LINGO2: variants seen among roughly 807,000 people sequenced by gnomAD.
LINGO2 encodes leucine rich repeat and Ig domain containing 2.
In LINGO2, 14 loss-of-function variants were observed where a neutral mutation model predicts 30.6. That is an observed-to-expected ratio of 0.46 (90% CI 0.30 to 0.72). The LOEUF is 0.72. Among genes scored for constraint, LINGO2 ranks in the 30% least tolerant of loss-of-function variants. The pLI, the probability that LINGO2 is intolerant of heterozygous loss-of-function variation, is 0.07. For synonymous variants in LINGO2, 317 were observed against 288.5 expected, an observed-to-expected ratio of 1.10 and a Z score of -1.00; for missense variants, 729 against 751.7, an observed-to-expected ratio of 0.97 and a Z score of 0.35.
At chr9:28,172,052 A>C (rs1299087134) in intron 4 of LINGO2, among the ~76,000 whole-genome samples, 4 of 139,602 alleles carry the variant, frequency 2.9e-5, no homozygotes, top group African/African-American at 1.1e-4. Context: ...AAAACCCAGC[A>C]TCTCCTACCA....
At chr9:28,097,913 G>A (rs1826294896) in intron 4 of LINGO2, among the ~76,000 whole-genome samples, 4 of 151,852 alleles carry the variant, frequency 2.6e-5, no homozygotes, top group Non-Finnish European at 5.9e-5. Flanking sequence ...AGGATGAGAT[G>A]AGCTGGATAC....
chr9:28,823,670 T>C, the LINGO2 span, among the ~76,000 whole-genome samples: 3 of 152,144 alleles, frequency 2.0e-5, no homozygotes, highest in African/African-American at 4.8e-5. Flanking sequence ...CCCCAGCCCA[T>C]ACATAGCCCT....
At chr9:28,727,629 C>A in the LINGO2 span, among the ~76,000 whole-genome samples, 1 of 152,102 alleles carries the variant, frequency 6.6e-6, no homozygotes. Flanking sequence ...GGTCTTTCAT[C>A]CGTCTTTAGA....
At chr9:27,993,031 C>T (rs1230092305) in intron 5 of LINGO2, among the ~76,000 whole-genome samples, 2 of 152,082 alleles carry the variant, frequency 1.3e-5, no homozygotes, top group Admixed American at 6.6e-5. Context: ...AGAAATCAAT[C>T]ATTGTCTGGA....
At chr9:28,887,275 AT>A in the LINGO2 span, among the ~76,000 whole-genome samples, 6 of 151,400 alleles carry the variant, frequency 4.0e-5, no homozygotes, top group Non-Finnish European at 7.4e-5. Context: ...AATTGAAAGG[AT>A]TTTTTTTTCT....
intron 1 of LINGO2, among the ~76,000 whole-genome samples, chr9:28,639,743 T>C (rs534784229): frequency 5.3e-5 from 8 of 152,152 alleles, no homozygotes; most frequent in Non-Finnish European, 1.0e-4. Flanking sequence ...CTCCTGAATA[T>C]AGCACACTGA....
At chr9:28,217,008 T>TGCATCAATGAGAAAACA (rs1241097948) in intron 4 of LINGO2, among the ~76,000 whole-genome samples, 30 of 151,800 alleles carry the variant, frequency 2.0e-4, no homozygotes, top group Non-Finnish European at 1.0e-4. Context: ...ATGCCCTTGT[T>TGCATCAATGAGAAAACA]TTGCATCAAT....
At chr9:28,233,185 T>C (rs1298162996) in intron 4 of LINGO2, among the ~76,000 whole-genome samples, 2 of 151,146 alleles carry the variant, frequency 1.3e-5, no homozygotes, top group African/African-American at 4.9e-5. Context: ...TCTCCATTGA[T>C]ATGAAAAACA....
At chr9:29,082,266 A>T in the LINGO2 span, among the ~76,000 whole-genome samples, 8 of 152,192 alleles carry the variant, frequency 5.3e-5, no homozygotes, top group African/African-American at 1.9e-4. Context: ...AGCACTCAGA[A>T]ATAATACCAC....
intron 2 of LINGO2, among the ~76,000 whole-genome samples, chr9:28,467,111 C>T (rs1009941898): frequency 4.6e-5 from 7 of 151,828 alleles, no homozygotes; most frequent in Admixed American, 2.6e-4. Context: ...CTGCAAGCTC[C>T]GCCTCCTGGG....
the LINGO2 span, among the ~76,000 whole-genome samples, chr9:28,677,516 T>C: frequency 1.3e-5 from 2 of 152,104 alleles, no homozygotes; most frequent in African/African-American, 4.8e-5. Flanking sequence ...CTTATATGAG[T>C]ACTGGTATTT....
chr9:28,862,386 C>T, the LINGO2 span, among the ~76,000 whole-genome samples: 1 of 152,010 alleles, frequency 6.6e-6, no homozygotes, highest in African/African-American at 2.4e-5. Context: ...TAAAGCATTT[C>T]CAATCATATT....
chr9:29,199,180 A>C, the LINGO2 span, among the ~76,000 whole-genome samples: 1 of 152,098 alleles, frequency 6.6e-6, no homozygotes, highest in Non-Finnish European at 1.5e-5. Context: ...AAGGAAAAGA[A>C]AGATCTCTGG....
intron 1 of LINGO2, among the ~76,000 whole-genome samples, chr9:28,655,394 C>T (rs1828293164): frequency 6.6e-6 from 1 of 151,980 alleles, no homozygotes; most frequent in African/African-American, 2.4e-5. Context: ...GGCTCATAAG[C>T]AGAAGGGACT....
Position 28,616,330 on chromosome 9 carries a change from CAT to C in LINGO2, c.-365+53868_-365+53869del, listed in dbSNP as rs199992515. Among the ~76,000 whole-genome samples the C allele has an allele frequency of 6.9e-3, 1,054 of 152,214 alleles. 16 individuals carry two copies. Among genetic ancestry groups the C allele is most frequent in the African/African-American group, 0.024 (998 of 41,536 alleles). ...GTATATGCATGCATGCACATACACA[CAT>C]GTGAAATATTTTCTGAATAGATTCC... On this transcript the variant is annotated intron_variant, in intron 1 of 5. Transcript: ENST00000379992.
chr9:27,958,331 T>C (rs1177742557), intron 5 of LINGO2, among the ~76,000 whole-genome samples: 2 of 152,210 alleles, frequency 1.3e-5, no homozygotes, highest in Non-Finnish European at 2.9e-5. Flanking sequence ...GTGTTTGTAA[T>C]ATTTTTTGGA....
the LINGO2 span, among the ~76,000 whole-genome samples, chr9:28,811,740 C>T: frequency 6.6e-6 from 1 of 151,914 alleles, no homozygotes; most frequent in Non-Finnish European, 1.5e-5. Flanking sequence ...TGCAGTTAAC[C>T]ATATACTCTA....
chr9:28,553,792 C>T (rs1245432898), intron 1 of LINGO2, among the ~76,000 whole-genome samples: 7 of 151,948 alleles, frequency 4.6e-5, no homozygotes, highest in Non-Finnish European at 1.0e-4. Context: ...AGACTAACAG[C>T]GGATCTCTCG....
the LINGO2 span, among the ~76,000 whole-genome samples, chr9:29,077,553 T>A: frequency 6.6e-6 from 1 of 152,064 alleles, no homozygotes; most frequent in Non-Finnish European, 1.5e-5. Context: ...AATTAACAAA[T>A]GTCTTTTGCA....
Sources: gnomAD v4.1 joint callset for allele counts (sites outside exome capture counted in the v4.1 genomes callset) on GRCh38, gnomAD v4.1.1 for gene constraint, MANE v1.5 for transcripts, NCBI Gene and HGNC (gene_info 2026-07-23, HGNC 2026-07-21) for gene names.